The following IFT43 variants were observed in gnomAD, a reference collection of about 807,000 sequenced individuals.
IFT43 encodes intraflagellar transport 43.
In IFT43, 33 loss-of-function variants were observed where a neutral mutation model predicts 32.3. That is an observed-to-expected ratio of 1.02 (90% CI 0.77 to 1.37). The LOEUF is 1.37. IFT43 is among the 40% of genes most tolerant of loss of function. The probability of loss-of-function intolerance (pLI) is 0.00; values close to 1 mark genes in which losing one functional copy is unlikely to be tolerated. For synonymous variants in IFT43, 93 were observed against 98.2 expected (o/e 0.95, Z 0.31); for missense variants, 274 against 265.9 (o/e 1.03, Z -0.21).
intron 5 of IFT43, among the ~76,000 whole-genome samples, chr14:76,072,641 C>G (rs778828003): frequency 2.0e-4 from 30 of 152,186 alleles, no homozygotes; most frequent in Non-Finnish European, 1.0e-4. Flanking sequence ...CCTCCAGGAA[C>G]ACAGAGAGAA....
chr14:76,000,411 C>T (rs2035862005), intron 2 of IFT43, among the ~76,000 whole-genome samples: 1 of 151,564 alleles, frequency 6.6e-6, no homozygotes, highest in Non-Finnish European at 1.5e-5. Flanking sequence ...ACTACAGGCG[C>T]CTGCCACCAC....
At chr14:76,069,574 A>C (rs569002453) in intron 5 of IFT43, among the ~76,000 whole-genome samples, 114 of 152,334 alleles carry the variant, frequency 7.5e-4, no homozygotes, top group Middle Eastern at 6.8e-3. Flanking sequence ...GGAGCAAACA[A>C]ATTATCTTTT....
intron 3 of IFT43, among the ~76,000 whole-genome samples, chr14:76,039,958 T>G (rs563461036): frequency 6.6e-6 from 1 of 152,322 alleles, no homozygotes; most frequent in South Asian, 2.1e-4. Context: ...TAGAAGAGCT[T>G]CTTTTCTTTT....
intron 2 of IFT43, among the ~76,000 whole-genome samples, chr14:76,020,255 G>A (rs928215739): frequency 3.3e-5 from 5 of 152,202 alleles, no homozygotes; most frequent in African/African-American, 7.2e-5. Context: ...TTATAGGCAT[G>A]AGCCACCGCA....
chr14:76,013,493 C>G (rs61979195), intron 2 of IFT43, among the ~76,000 whole-genome samples: 1 of 152,338 alleles, frequency 6.6e-6, no homozygotes, highest in Non-Finnish European at 1.5e-5. Flanking sequence ...GGTGTGCGTC[C>G]TGTGTTTCAG....
chr14:76,034,315 A>G (rs1417939105), intron 3 of IFT43, among the ~76,000 whole-genome samples: 1 of 152,110 alleles, frequency 6.6e-6, no homozygotes, highest in Non-Finnish European at 1.5e-5. Flanking sequence ...TGTGCATGTA[A>G]GGAGTGAGAT....
intron 7 of IFT43, among the ~76,000 whole-genome samples, chr14:76,082,946 C>G (rs2037539638): frequency 6.6e-6 from 1 of 152,190 alleles, no homozygotes; most frequent in South Asian, 2.1e-4. Context: ...CCTGATGGCA[C>G]CCCACTCCCC....
chr14:76,037,192 G>A (rs573913155), intron 3 of IFT43, among the ~76,000 whole-genome samples: 1 of 151,304 alleles, frequency 6.6e-6, no homozygotes, highest in Non-Finnish European at 1.5e-5. Context: ...GCTCTAACTG[G>A]GAGTTCCATT....
chr14:76,054,651 G>A (rs2036977613), intron 3 of IFT43, among the ~76,000 whole-genome samples: 1 of 152,256 alleles, frequency 6.6e-6, no homozygotes, highest in African/African-American at 2.4e-5. Context: ...TGTGTGAGGT[G>A]ATCTCGCTGG....
intron 3 of IFT43, among the ~76,000 whole-genome samples, chr14:76,035,866 C>T (rs115030883): frequency 0.013 from 1,954 of 152,314 alleles, 53 homozygotes; most frequent in African/African-American, 0.045. Flanking sequence ...CACCTGTGGC[C>T]ATGAGAAGTC....
At chr14:76,016,132 GTTAA>G (rs753240818) in intron 2 of IFT43, among the ~76,000 whole-genome samples, 3 of 152,148 alleles carry the variant, frequency 2.0e-5, no homozygotes, top group Admixed American at 6.5e-5. Context: ...CTTACACTGT[GTTAA>G]TTGTTTCATT....
intron 3 of IFT43, among the ~76,000 whole-genome samples, chr14:76,036,094 A>G (rs2036592824): frequency 6.6e-6 from 1 of 152,208 alleles, no homozygotes; most frequent in Admixed American, 6.5e-5. Flanking sequence ...TCCCTTCCTC[A>G]TACCTTTCCT....
chr14:75,999,237 A>AATATTCATT (rs2035807252), intron 2 of IFT43, among the ~76,000 whole-genome samples: 2 of 9,724 alleles, frequency 2.1e-4, no homozygotes, highest in African/African-American at 1.3e-3. Context: ...TTATATATAT[A>AATATTCATT]TATATATATA....
In IFT43 at chr14:76,082,643, A is replaced by T. The variant is rs201692401; in HGVS notation, c.395A>T (p.Tyr132Phe). 3.2e-5 allele frequency: 52 copies of T among 1,614,110 alleles called. No homozygotes were observed. In the Admixed American group the frequency reaches 5.8e-4, roughly 18 times the overall value. Reference protein sequence around the residue: ...PSIQIKRVMTYRDLDNDLMKY... With the variant: ...PSIQIKRVMTFRDLDNDLMKY... ...ATCCAGATAAAGCGGGTGATGACCT[A>T]CCGTGACCTGGACAATGACCTCATG... is the stretch of plus-strand genomic sequence containing the variant. Residue 132 changes from tyrosine (Y) to phenylalanine (F), a missense_variant, in exon 7 of 9, where the codon TAC (tyrosine) becomes TTC (phenylalanine). Coordinates refer to ENST00000314067, the MANE Select transcript of IFT43 (RefSeq NM_001102564.3).
intron 3 of IFT43, among the ~76,000 whole-genome samples, chr14:76,054,081 A>G (rs139961243): frequency 4.5e-4 from 68 of 152,318 alleles, no homozygotes; most frequent in African/African-American, 1.6e-3. Flanking sequence ...TAGCAACTGG[A>G]GTATTCAGCT....
intron 5 of IFT43, among the ~76,000 whole-genome samples, chr14:76,081,316 CCTT>C (rs1211333269): frequency 6.6e-6 from 1 of 152,222 alleles, no homozygotes; most frequent in Non-Finnish European, 1.5e-5. Flanking sequence ...TGGGATTTCT[CCTT>C]CTTTCCGTGT....
intron 1 of IFT43, 177 bp from the exon 2 acceptor site, chr14:75,988,708 C>T (rs868832490): frequency 1.6e-5 from 5 of 314,534 alleles, no homozygotes; most frequent in African/African-American, 6.8e-5. Context: ...TTAGTAGAGA[C>T]GGGGTTTCAC....
intron 3 of IFT43, among the ~76,000 whole-genome samples, chr14:76,057,123 C>T (rs1301777245): frequency 6.6e-6 from 1 of 152,136 alleles, no homozygotes; most frequent in Non-Finnish European, 1.5e-5. Context: ...TCACTTCAGC[C>T]GTCATTCTTC....
chr14:76,035,725 G>A (rs778150263), intron 3 of IFT43, among the ~76,000 whole-genome samples: 2 of 152,224 alleles, frequency 1.3e-5, no homozygotes, highest in Non-Finnish European at 2.9e-5. Flanking sequence ...TTCCCAGAAA[G>A]GTGTCACAGA....
Sources: gnomAD v4.1 joint callset for allele counts (sites outside exome capture counted in the v4.1 genomes callset) on GRCh38, gnomAD v4.1.1 for gene constraint, MANE v1.5 for transcripts, NCBI Gene and HGNC (gene_info 2026-07-23, HGNC 2026-07-21) for gene names.